Variants in COL6A6 observed in about 807,000 individuals in gnomAD.
COL6A6 encodes collagen type VI alpha 6 chain, also known as collagen alpha-6(VI) chain.
In COL6A6, 183 loss-of-function variants were observed where a neutral mutation model predicts 208.6. The ratio of observed to expected loss-of-function variants is 0.88; its 90% CI spans 0.78 to 0.99. The LOEUF (loss-of-function observed/expected upper bound fraction) is 0.99. COL6A6 is among the 50% of genes least tolerant of loss of function. The pLI, the probability that COL6A6 is intolerant of heterozygous loss-of-function variation, is 0.00. For missense variants in COL6A6, 2,816 were observed against 2,815.2 expected, an observed-to-expected ratio of 1.00 and a Z score of -0.01; for synonymous variants, 973 against 1,011.8, an observed-to-expected ratio of 0.96 and a Z score of 0.73.
chr3:130,649,538 G>A lies in COL6A6; in HGVS notation c.5709G>A (p.Val1903=). 2 of 1,596,036 alleles carry A rather than the reference G, an allele frequency of 1.3e-6. No individual in the cohort carries two copies. The highest frequency in any genetic ancestry group is 2.3e-5 in the South Asian group (2 of 88,686). ...IIPVVITFSN[V]PSVRRAFAID... ...CCGTGGTGATCACTTTCAGCAACGT[G>A]CCCTCGGTCAGGCGCGCATTTGCGG... Residue 1903 remains valine, a synonymous_variant, in exon 33 of 37, where the codon GTG becomes GTA. Coordinates refer to ENST00000358511, the MANE Select transcript of COL6A6 (RefSeq NM_001102608.3).
chr3:130,516,965 C>T (rs1710768382), upstream of COL6A6, among the ~76,000 whole-genome samples: 1 of 152,194 alleles, frequency 6.6e-6, no homozygotes, highest in African/African-American at 2.4e-5. Flanking sequence ...TTTTCTCCCA[C>T]GGTCGGGACC....
chr3:130,564,345 C>T (rs745567872), intron 3 of COL6A6, among the ~76,000 whole-genome samples: 5 of 152,144 alleles, frequency 3.3e-5, no homozygotes, highest in Admixed American at 6.5e-5. Flanking sequence ...CAAGAATGGT[C>T]AAGAGTTGGT....
At chr3:130,590,788 C>T (rs1167423805) in intron 12 of COL6A6, among the ~76,000 whole-genome samples, 13 of 151,918 alleles carry the variant, frequency 8.6e-5, no homozygotes. Context: ...AGGATGGTCT[C>T]GATCTCCTGG....
At chr3:130,542,729 G>C (rs555784494) in intron 1 of COL6A6, among the ~76,000 whole-genome samples, 13 of 152,150 alleles carry the variant, frequency 8.5e-5, no homozygotes, top group Admixed American at 5.9e-4. Context: ...ACCTGTTAAG[G>C]ATTATTATGT....
chr3:130,638,108 G>A (rs1356623941), intron 28 of COL6A6, among the ~76,000 whole-genome samples: 2 of 151,538 alleles, frequency 1.3e-5, no homozygotes, highest in African/African-American at 4.9e-5. Context: ...CACTGGTTTA[G>A]AGAGTCAAAT....
intron 1 of COL6A6, among the ~76,000 whole-genome samples, chr3:130,547,121 G>A (rs140555878): frequency 0.013 from 1,952 of 152,364 alleles, 32 homozygotes; most frequent in Middle Eastern, 0.041. Context: ...AGGGGGCGAC[G>A]CCCATCTGGG....
intron 26 of COL6A6, among the ~76,000 whole-genome samples, chr3:130,634,213 AT>A (rs1307460939): frequency 0.017 from 901 of 52,062 alleles, 31 homozygotes; most frequent in African/African-American, 0.068. Flanking sequence ...AAAAAAAAAA[AT>A]AAATAAATAA....
chr3:130,609,108 A>G (rs2064275081), intron 22 of COL6A6, 144 bp downstream of exon 22: 2 of 646,970 alleles, frequency 3.1e-6, no homozygotes, highest in Non-Finnish European at 2.7e-6. Flanking sequence ...AGGAAGCAAC[A>G]CAGTTTGGAC....
intron 28 of COL6A6, among the ~76,000 whole-genome samples, chr3:130,640,230 T>G (rs1242621383): frequency 6.6e-6 from 1 of 152,260 alleles, no homozygotes; most frequent in Non-Finnish European, 1.5e-5. Flanking sequence ...ACATTGGTTC[T>G]TGGCTTTCCC....
chr3:130,613,054 T>A (rs759956419), intron 23 of COL6A6, among the ~76,000 whole-genome samples: 19 of 152,360 alleles, frequency 1.2e-4, no homozygotes, highest in Admixed American at 1.2e-3. Context: ...TGTGTTGCAA[T>A]CGCCTTTGTC....
intron 24 of COL6A6, among the ~76,000 whole-genome samples, chr3:130,623,725 TG>T (rs2108281988): frequency 6.6e-6 from 1 of 152,156 alleles, no homozygotes; most frequent in East Asian, 1.9e-4. Flanking sequence ...GAAAATCACT[TG>T]GGGGATAGAG....
chr3:130,550,824 T>G (rs2062625810), intron 1 of COL6A6, among the ~76,000 whole-genome samples: 1 of 152,188 alleles, frequency 6.6e-6, no homozygotes, highest in Non-Finnish European at 1.5e-5. Flanking sequence ...TATTATTTTG[T>G]AGTACATTCC....
At chr3:130,581,374 C>A (rs2063416272) in intron 8 of COL6A6, among the ~76,000 whole-genome samples, 187 bp from the exon 9 acceptor site, 1 of 152,056 alleles carries the variant, frequency 6.6e-6, no homozygotes. Context: ...TAATAATGAA[C>A]CCTTACACTT....
In COL6A6 at chr3:130,566,762, A is replaced by G. The variant is rs1435571102; in HGVS notation, c.1343A>G (p.Gln448Arg). Residue 448 changes from glutamine (Q) to arginine (R), a missense_variant, in exon 5 of 37, where the codon CAG (glutamine) becomes CGG (arginine). Coordinates refer to ENST00000358511, the MANE Select transcript of COL6A6 (RefSeq NM_001102608.3). ...CTTATCGATGGCTCAGGGAGCACCC[A>G]GGCCACAGATTTCCATGAAATGAAG... The part of the protein sequence containing the change: ...YLLIDGSGST[Q>R]ATDFHEMKTF... 1 of 1,614,020 alleles carries G rather than the reference A, an allele frequency of 6.2e-7. No homozygotes were observed. Among genetic ancestry groups the G allele is most frequent in the Admixed American group, 1.7e-5 (1 of 60,024 alleles).
At chr3:130,567,368 G>C in intron 5 of COL6A6, 106 bp downstream of exon 5, 1 of 881,172 alleles carries the variant, frequency 1.1e-6, no homozygotes, top group Non-Finnish European at 1.7e-6. Context: ...ACTAAGTTGA[G>C]ATTTGTTAAC....
At chr3:130,532,079 G>A (rs1456160079) in intron 1 of COL6A6, among the ~76,000 whole-genome samples, 1 of 152,068 alleles carries the variant, frequency 6.6e-6, no homozygotes, top group Admixed American at 6.6e-5. Context: ...TCTTTTGATA[G>A]CTTTTGAAAT....
At chr3:130,582,133 G>A in intron 10 of COL6A6, 65 bp downstream of exon 10, 1 of 1,036,756 alleles carries the variant, frequency 9.6e-7, no homozygotes, top group Non-Finnish European at 1.4e-6. Context: ...ACTAAATTCT[G>A]GCTCTTAAAT....
chr3:130,642,335 T>C (rs1461050683), intron 29 of COL6A6, among the ~76,000 whole-genome samples: 3 of 151,662 alleles, frequency 2.0e-5, no homozygotes, highest in Non-Finnish European at 2.9e-5. Context: ...AGATGTTCAA[T>C]TGAGTCCGAT....
chr3:130,581,707 G>T lies in COL6A6; in HGVS notation c.3694G>T (p.Gly1232Cys). 6.2e-7 allele frequency: 1 copy of T among 1,613,922 alleles called. No homozygotes were observed. Among genetic ancestry groups the T allele is most frequent in the Non-Finnish European group, 8.5e-7 (1 of 1,179,850 alleles). ...CCTCAATGGAGTAAGCTGTGAGGTG[G>T]GCACAGAGACTCAGGTCAGTGTGGC... ...SSLNGVSCEVGTETQVSVAFQ... is the reference protein window; with the variant it reads ...SSLNGVSCEVCTETQVSVAFQ... Residue 1232 changes from glycine to cysteine, a missense_variant, in exon 9 of 37, where the codon GGC becomes TGC. By Grantham distance (159) the Gly-to-Cys change is radical. Transcript: ENST00000358511.
Sources: gnomAD v4.1 joint callset for allele counts (sites outside exome capture counted in the v4.1 genomes callset) on GRCh38, gnomAD v4.1.1 for gene constraint, MANE v1.5 for transcripts, NCBI Gene and HGNC (gene_info 2026-07-23, HGNC 2026-07-21) for gene names.